Variants in WDR49 observed in about 807,000 individuals in gnomAD.
The protein encoded by WDR49 is cilia- and flagella-associated protein 337.
Under a neutral mutation model 119.5 loss-of-function variants are expected in WDR49, and 107 were observed. That is an observed-to-expected ratio of 0.90 (90% confidence interval 0.77 to 1.05). The LOEUF (loss-of-function observed/expected upper bound fraction) is 1.05. Among genes scored for constraint, WDR49 ranks in the 50% least tolerant of loss-of-function variants. WDR49 has a pLI of 0.00. For missense variants in WDR49, 1,240 were observed against 1,220.5 expected (o/e 1.02, Z -0.24); for synonymous variants, 425 against 418.8 (o/e 1.01, Z -0.18).
chr3:167,498,769 C>G (rs1751452979), intron 18 of WDR49, among the ~76,000 whole-genome samples: 1 of 152,106 alleles, frequency 6.6e-6, no homozygotes, highest in African/African-American at 2.4e-5. Flanking sequence ...TGATGAGATT[C>G]CTAGAGAGGG....
At chr3:167,511,467 C>T (rs1269521537) in intron 16 of WDR49, among the ~76,000 whole-genome samples, 1 of 152,190 alleles carries the variant, frequency 6.6e-6, no homozygotes, top group Non-Finnish European at 1.5e-5. Flanking sequence ...TGCTGTACTC[C>T]TATTTAATCT....
At position 167,561,654 on chromosome 3, in the gene WDR49, A is replaced by G. The variant is rs191575804; in HGVS notation, c.1510-1426T>C. On this transcript the variant is annotated intron_variant, in intron 8 of 18. Transcript: ENST00000682715. The stretch of plus-strand genomic sequence containing the variant: ...CAAGTCAGGATTCACAAAGGAGGTG[A>G]TAACTGGTCTGGAATTGAAGATGGA... Among the ~76,000 whole-genome samples, 3 of 152,250 alleles carry G rather than the reference A, an allele frequency of 2.0e-5. No individual in the cohort carries two copies. In the East Asian group the frequency reaches 5.8e-4, roughly 29 times the overall value.
intron 3 of WDR49, among the ~76,000 whole-genome samples, chr3:167,622,047 A>G (rs1035813285): frequency 2.0e-5 from 3 of 152,174 alleles, no homozygotes; most frequent in Non-Finnish European, 4.4e-5. Context: ...TACAGACTCT[A>G]TAAGTAGCTT....
chr3:167,637,347 T>A (rs1464747059), intron 2 of WDR49, among the ~76,000 whole-genome samples: 1 of 152,012 alleles, frequency 6.6e-6, no homozygotes, highest in Non-Finnish European at 1.5e-5. Context: ...GTTCTGTTGG[T>A]CTATGTGCCT....
At chr3:167,584,512 A>G (rs1714709016) in intron 7 of WDR49, among the ~76,000 whole-genome samples, 1 of 152,186 alleles carries the variant, frequency 6.6e-6, no homozygotes, top group Admixed American at 6.5e-5. Context: ...AACAATAAGT[A>G]GGAATTACCC....
At chr3:167,655,359 T>C (rs956969449), upstream of WDR49, among the ~76,000 whole-genome samples, 1 of 152,184 alleles carries the variant, frequency 6.6e-6, no homozygotes, top group Non-Finnish European at 1.5e-5. Flanking sequence ...CACTGCACTT[T>C]AGATGGATGT....
chr3:167,519,054 G>T (rs1004027828), intron 16 of WDR49, among the ~76,000 whole-genome samples: 1 of 152,082 alleles, frequency 6.6e-6, no homozygotes, highest in African/African-American at 2.4e-5. Flanking sequence ...TTAGAGAAAT[G>T]CAAATCAAAA....
intron 16 of WDR49, among the ~76,000 whole-genome samples, chr3:167,515,564 T>C (rs1299732029): frequency 6.6e-6 from 1 of 152,146 alleles, no homozygotes; most frequent in Non-Finnish European, 1.5e-5. Flanking sequence ...GGCATTCCCC[T>C]TGAAAACCGG....
chr3:167,495,975 TA>T (rs966476030), intron 18 of WDR49, among the ~76,000 whole-genome samples: 10 of 129,536 alleles, frequency 7.7e-5, no homozygotes, highest in African/African-American at 2.9e-4. Flanking sequence ...CAAAATGAAA[TA>T]AATGCATTTT....
intron 7 of WDR49, among the ~76,000 whole-genome samples, chr3:167,596,785 G>A (rs1447528659): frequency 6.6e-6 from 1 of 150,948 alleles, no homozygotes; most frequent in East Asian, 1.9e-4. Flanking sequence ...ATGAGCTAGT[G>A]GGTGCAGCGC....
intron 3 of WDR49, among the ~76,000 whole-genome samples, chr3:167,625,541 GTTTA>G (rs1429123854): frequency 2.0e-5 from 3 of 151,904 alleles, no homozygotes; most frequent in Non-Finnish European, 4.4e-5. Context: ...AAATTAATGG[GTTTA>G]TTTCTTTCTT....
At chr3:167,503,269 G>A (rs926357966) in intron 17 of WDR49, among the ~76,000 whole-genome samples, 14 of 152,232 alleles carry the variant, frequency 9.2e-5, no homozygotes, top group African/African-American at 3.4e-4. Context: ...AATCCTGGGT[G>A]CCCAGCAAGA....
chr3:167,513,546 C>T (rs1166803816), intron 16 of WDR49, among the ~76,000 whole-genome samples: 1 of 152,146 alleles, frequency 6.6e-6, no homozygotes, highest in Non-Finnish European at 1.5e-5. Flanking sequence ...GAAGAAACTA[C>T]ATTAACAAGT....
intron 18 of WDR49, among the ~76,000 whole-genome samples, chr3:167,495,883 GAAAAAAAAAAAA>G: frequency 8.4e-5 from 6 of 71,226 alleles, no homozygotes; most frequent in South Asian, 7.8e-4. Context: ...TTAAAAATTT[GAAAAAAAAAAAA>G]AAAAAAAAAA....
chr3:167,601,391 A>G (rs147371219), intron 7 of WDR49, among the ~76,000 whole-genome samples: 3 of 152,322 alleles, frequency 2.0e-5, no homozygotes, highest in African/African-American at 7.2e-5. Context: ...CTCAAAGACT[A>G]TCTTCAATAC....
chr3:167,591,829 GT>G (rs200956408), intron 7 of WDR49, among the ~76,000 whole-genome samples: 7 of 150,846 alleles, frequency 4.6e-5, no homozygotes, highest in Admixed American at 1.3e-4. Flanking sequence ...ATTGGGTCTT[GT>G]TTTTTTTTAT....
chr3:167,548,973 C>G (rs780090888), intron 10 of WDR49, among the ~76,000 whole-genome samples: 1 of 151,996 alleles, frequency 6.6e-6, no homozygotes, highest in Non-Finnish European at 1.5e-5. Flanking sequence ...ATAGTTTGCT[C>G]AGAATGATGG....
chr3:167,488,150 ACACAC>A (rs1750995496), intron 18 of WDR49, among the ~76,000 whole-genome samples: 1 of 30,866 alleles, frequency 3.2e-5, no homozygotes, highest in African/African-American at 3.9e-4. Context: ...ACTCAAACAC[ACACAC>A]ACACACACAC....
In WDR49 at chr3:167,627,246, G is replaced by A. The variant is rs772707839; in HGVS notation, c.212C>T (p.Thr71Met). ...ACCAACAATCTCTGTCATCTTCTGC[G>A]TGAAGTCTTCTCTGGACATACAAAT... ...KIICMSREDF[T>M]QKMTEIVGWG... The change falls in exon 3 of 19, where the codon ACG becomes ATG. Residue 71 changes from threonine to methionine, a missense_variant. Physicochemically the swap from Thr to Met is moderately conservative, Grantham distance 81. Transcript: ENST00000682715. 3.4e-5 allele frequency: 43 copies of A among 1,248,834 alleles called. No individual in the cohort carries two copies. The highest frequency in any genetic ancestry group is 2.0e-4 in the Middle Eastern group (1 of 4,906). 77.4% of individuals were successfully genotyped at this position (1,248,834 alleles called of 1,614,324 possible).
Sources: allele counts gnomAD v4.1 joint callset (sites outside exome capture counted in the v4.1 genomes callset), GRCh38; gene constraint gnomAD v4.1.1; transcripts MANE v1.5; gene names NCBI Gene and HGNC (gene_info 2026-07-23, HGNC 2026-07-21).